SMARCA1: variants seen among roughly 807,000 people sequenced by gnomAD.
The protein encoded by SMARCA1 is SWI/SNF-related matrix-associated actin-dependent regulator of chromatin subfamily A member 1.
Under a neutral mutation model 93.6 loss-of-function variants are expected in SMARCA1, and 17 were observed. The ratio of observed to expected loss-of-function variants is 0.18; its 90% CI spans 0.12 to 0.27. SMARCA1 has a LOEUF of 0.27. Ranked by LOEUF, SMARCA1 falls within the 10% of genes least tolerant of loss-of-function variation. The pLI is 1.00. For synonymous variants in SMARCA1, 271 were observed against 271.4 expected (o/e 1.00, Z 0.01); for missense variants, 630 against 819.0 (o/e 0.77, Z 2.82).
At chrX:129,475,410 T>C (rs1474526006) in intron 19 of SMARCA1, among the ~76,000 whole-genome samples, 1 of 110,259 alleles carries the variant, frequency 9.1e-6, no homozygotes, top group African/African-American at 3.3e-5. Flanking sequence ...TCCCAGCTAC[T>C]CGGGAGGCTA....
intron 23 of SMARCA1, among the ~76,000 whole-genome samples, chrX:129,459,312 G>T (rs1932760570): frequency 9.0e-6 from 1 of 111,639 alleles, no homozygotes; most frequent in Non-Finnish European, 1.9e-5. Context: ...CCACCTACTG[G>T]GGAGGCTGAG....
At chrX:129,453,452 T>C (rs951744609) in intron 23 of SMARCA1, among the ~76,000 whole-genome samples, 1 of 111,721 alleles carries the variant, frequency 9.0e-6, no homozygotes, top group Non-Finnish European at 1.9e-5. Flanking sequence ...GCCAGGGCAA[T>C]CAGGCAAGAG....
At chrX:129,502,493 C>T (rs887696036) in intron 9 of SMARCA1, among the ~76,000 whole-genome samples, 1 of 111,622 alleles carries the variant, frequency 9.0e-6, no homozygotes, top group Non-Finnish European at 1.9e-5. Context: ...GACCAAAAAG[C>T]GTACCCTGAA....
In SMARCA1 at chrX:129,455,203, C is replaced by T. The variant is rs192264179; in HGVS notation, c.3031-6760G>A. Among the ~76,000 whole-genome samples the T allele has an allele frequency of 2.9e-3, 325 of 111,678 alleles. 3 individuals are homozygous for T. The highest frequency in any genetic ancestry group is 9.8e-3 in the African/African-American group (301 of 30,698). On this transcript the variant is annotated intron_variant, in intron 23 of 24. Coordinates refer to ENST00000371121, the MANE Select transcript of SMARCA1 (RefSeq NM_001282874.2). ...CACAATAGCAAAGACTTGGAACCAA[C>T]CCAAATGCCCATCAATGATAGACTG... is the stretch of plus-strand genomic sequence containing the variant.
intron 17 of SMARCA1, among the ~76,000 whole-genome samples, chrX:129,486,424 C>T (rs1933885953): frequency 9.0e-6 from 1 of 111,361 alleles, no homozygotes; most frequent in Non-Finnish European, 1.9e-5. Flanking sequence ...AAATCTCAGC[C>T]TTAATTTCAG....
chrX:129,466,915 T>C (rs954048157), intron 21 of SMARCA1, among the ~76,000 whole-genome samples: 1 of 110,539 alleles, frequency 9.0e-6, no homozygotes, highest in Middle Eastern at 4.2e-3. Flanking sequence ...CAACCAAATT[T>C]TATAGATGAG....
rs188327955 is a variant in SMARCA1 at position 129,448,481 on chromosome X, C to G, written c.3031-38G>C. The stretch of plus-strand genomic sequence containing the variant: ...ATAAAGATTTTTAATTTCTGCAACC[C>G]AATCATTATCTTTAAAACGCTGACA... On this transcript the variant is annotated intron_variant, in intron 23 of 24. Transcript: ENST00000371121. 7.7e-4 allele frequency: 846 copies of G among 1,095,837 alleles called. 1 individual carries two copies. The African/African-American group carries it at 0.013, about 17-fold the overall frequency. The allele number at this position is 1,095,837 out of a possible 1,213,427, so 90.3% of individuals were successfully genotyped here. A position where few individuals can be genotyped will look rare whatever the true frequency, so the allele number is the denominator to read the frequency against.
In SMARCA1 at chrX:129,473,574, G is replaced by T. The variant is rs183497752; in HGVS notation, c.2443-2248C>A. ...CAGCCCAGATGACCATCAAGAGAAT[G>T]AATAAGCAAACTGTGGCCTATCCAT... On this transcript the variant is annotated intron_variant, in intron 19 of 24. Coordinates refer to ENST00000371121, the MANE Select transcript of SMARCA1 (RefSeq NM_001282874.2). 3.9e-3 allele frequency among the ~76,000 whole-genome samples: 442 copies of T among 112,068 alleles called. 2 individuals are homozygous for T. The highest frequency in any genetic ancestry group is 6.3e-3 in the Non-Finnish European group (336 of 53,181).
At chrX:129,491,793 C>A in intron 14 of SMARCA1, 148 bp downstream of exon 14, 1 of 359,348 alleles carries the variant, frequency 2.8e-6, no homozygotes, top group Non-Finnish European at 4.8e-6. Flanking sequence ...ATTAGCATAG[C>A]AACTGTGTTT....
intron 5 of SMARCA1, among the ~76,000 whole-genome samples, chrX:129,514,110 G>A (rs957811064): frequency 8.9e-6 from 1 of 112,519 alleles, no homozygotes; most frequent in Non-Finnish European, 1.9e-5. Context: ...GGAGGATCAC[G>A]AGGTCAGGAG....
At position 129,461,364 on chromosome X, in the gene SMARCA1, A is replaced by G. The variant is rs763260450; in HGVS notation, c.3030+4156T>C. 3.8e-3 allele frequency among the ~76,000 whole-genome samples: 424 copies of G among 112,011 alleles called. 1 individual carries two copies. The highest frequency in any genetic ancestry group is 0.013 in the African/African-American group (404 of 30,903). ...AGTTAAATTCTGCTTTTTCTACTTT[A>G]AGTACTTAGAAGGACCTAAGAAGGT... On this transcript the variant is annotated intron_variant, in intron 23 of 24. Transcript: ENST00000371121.
chrX:129,507,847 G>T, intron 7 of SMARCA1, 94 bp downstream of exon 7: 1 of 571,290 alleles, frequency 1.8e-6, no homozygotes, highest in African/African-American at 2.4e-5. Flanking sequence ...CCACCACACC[G>T]GCTGTTCCAT....
intron 12 of SMARCA1, among the ~76,000 whole-genome samples, chrX:129,496,023 A>T (rs5977095): frequency 9.5e-6 from 1 of 105,003 alleles, no homozygotes; most frequent in Admixed American, 1.1e-4. Context: ...GAAGGATCAC[A>T]GAAAACAGAA....
At chrX:129,489,955 C>T in intron 15 of SMARCA1, 105 bp downstream of exon 15, 1 of 541,776 alleles carries the variant, frequency 1.8e-6, no homozygotes, top group Middle Eastern at 5.8e-4. Flanking sequence ...AATTTTTCCT[C>T]TAAGTTTTCA....
chrX:129,499,982 G>A lies in SMARCA1; in HGVS notation c.1168-141C>T. On this transcript the variant is annotated intron_variant, in intron 9 of 24. Transcript: ENST00000371121. ...ACCAATACCAGTTGCGAACTTTCTT[G>A]GTAAAGAACCACCAAGTAAGAGTCC... 1.7e-5 allele frequency: 5 copies of A among 300,914 alleles called. No individual in the cohort carries two copies. The South Asian group carries it at 3.0e-4, about 18-fold the overall frequency. 24.8% of individuals were successfully genotyped at this position (300,914 alleles called of 1,213,427 possible). A position where few individuals can be genotyped will look rare whatever the true frequency, so the allele number is the denominator to read the frequency against.
chrX:129,522,714 A>C (rs959618898), intron 1 of SMARCA1, among the ~76,000 whole-genome samples: 1 of 111,774 alleles, frequency 8.9e-6, no homozygotes, highest in African/African-American at 3.3e-5. Context: ...TTGAAATTCA[A>C]ATTACAAAAA....
intron 17 of SMARCA1, among the ~76,000 whole-genome samples, chrX:129,483,326 C>T (rs1240788783): frequency 9.0e-6 from 1 of 111,637 alleles, no homozygotes; most frequent in East Asian, 2.8e-4. Context: ...TCAGAGGCTG[C>T]ATATCTGTCT....
intron 23 of SMARCA1, among the ~76,000 whole-genome samples, chrX:129,459,827 G>A (rs1405187132): frequency 9.0e-6 from 1 of 111,508 alleles, no homozygotes; most frequent in Non-Finnish European, 1.9e-5. Context: ...TCTGGGTCAC[G>A]TGCTATGCTG....
intron 9 of SMARCA1, among the ~76,000 whole-genome samples, 174 bp downstream of exon 9, chrX:129,504,549 TAAAAAAAAAAA>T (rs780225300): frequency 0.021 from 517 of 24,149 alleles, 7 homozygotes; most frequent in African/African-American, 0.07. Flanking sequence ...CATAGAGGAA[TAAAAAAAAAAA>T]AAAAAAAAAA....
Sources: gnomAD v4.1 joint callset for allele counts (sites outside exome capture counted in the v4.1 genomes callset) on GRCh38, gnomAD v4.1.1 for gene constraint, MANE v1.5 for transcripts, NCBI Gene and HGNC (gene_info 2026-07-23, HGNC 2026-07-21) for gene names.